TMEM14A: variants seen among roughly 807,000 people sequenced by gnomAD.
The protein encoded by TMEM14A is transmembrane protein 14A.
In TMEM14A, 8 loss-of-function variants were observed where a neutral mutation model predicts 11.6. That is an observed-to-expected ratio of 0.69 (90% confidence interval 0.40 to 1.24). TMEM14A has a LOEUF of 1.24. Ranked by LOEUF, TMEM14A falls within the 50% of genes most tolerant of loss-of-function variation. The pLI is 0.01. For missense variants in TMEM14A, 108 were observed against 121.9 expected (o/e 0.89, Z 0.54); for synonymous variants, 34 against 45.5 (o/e 0.75, Z 1.02).
At chr6:52,679,329 C>T (rs1299037620) in intron 2 of TMEM14A, among the ~76,000 whole-genome samples, 2 of 152,120 alleles carry the variant, frequency 1.3e-5, no homozygotes, top group Admixed American at 1.3e-4. Flanking sequence ...CATCGAGTGC[C>T]CAGAGTGAAA....
chr6:52,683,995 A>C (rs1260850028), intron 3 of TMEM14A, 83 bp from the exon 4 acceptor site: 12 of 1,279,666 alleles, frequency 9.4e-6, no homozygotes, highest in Non-Finnish European at 2.2e-6. Context: ...AATGTTAGAA[A>C]GCTTTAAATG....
At chr6:52,682,055 A>G (rs1769401781) in intron 3 of TMEM14A, 141 bp downstream of exon 3, 2 of 568,126 alleles carry the variant, frequency 3.5e-6, no homozygotes, top group Non-Finnish European at 6.0e-6. Flanking sequence ...TACAACACTT[A>G]TTCCTTTCTA....
At chr6:52,680,595 A>ATATATATATATATATATTTATATATT (rs1769349622) in intron 2 of TMEM14A, among the ~76,000 whole-genome samples, 1 of 63,784 alleles carries the variant, frequency 1.6e-5, no homozygotes, top group Non-Finnish European at 3.3e-5. Context: ...TTATATATTT[A>ATATATATATATATATATTTATATATT]TATATATATA....
At chr6:52,680,613 G>GTA (rs1769352820) in intron 2 of TMEM14A, among the ~76,000 whole-genome samples, 9 of 48,896 alleles carry the variant, frequency 1.8e-4, no homozygotes, top group East Asian at 8.6e-4. Flanking sequence ...ATATATATAT[G>GTA]TATATATATG....
At chr6:52,685,831 CA>C (rs1178069988) in intron 4 of TMEM14A, among the ~76,000 whole-genome samples, 178 bp from the exon 5 acceptor site, 1 of 152,174 alleles carries the variant, frequency 6.6e-6, no homozygotes, top group Non-Finnish European at 1.5e-5. Flanking sequence ...ATTTAGCGAA[CA>C]TTTTAAAGTG....
At position 52,680,669 on chromosome 6, in the gene TMEM14A, G is replaced by GTGTGTATATA. The variant is rs1769360469; in HGVS notation, c.71-1143_71-1142insGTGTATATAT. On this transcript the variant is annotated intron_variant, in intron 2 of 4. Transcript: ENST00000211314. The stretch of plus-strand genomic sequence containing the variant: ...TATATATGTGTGTGTATATATATGT[G>GTGTGTATATA]TATATATATATATACATATATGTAT... Among the ~76,000 whole-genome samples the GTGTGTATATA allele has an allele frequency of 4.9e-3, 176 of 35,956 alleles. 6 individuals are homozygous for GTGTGTATATA. Among genetic ancestry groups the GTGTGTATATA allele is most frequent in the South Asian group, 0.012 (10 of 818 alleles). The allele number at this position is 35,956 out of a possible 152,430, so 23.6% of individuals were successfully genotyped here.
intron 3 of TMEM14A, 29 bp from the exon 4 acceptor site, chr6:52,684,047 ACT>A (rs1338647589): frequency 1.2e-6 from 2 of 1,600,312 alleles, no homozygotes; most frequent in Admixed American, 1.7e-5. Flanking sequence ...CATGTTTGAA[ACT>A]CTGGTTCATG....
intron 2 of TMEM14A, among the ~76,000 whole-genome samples, chr6:52,680,884 GTGTT>G (rs997756666): frequency 2.1e-4 from 32 of 149,296 alleles, no homozygotes; most frequent in South Asian, 2.1e-3. Flanking sequence ...TTGTGTGTGT[GTGTT>G]TGTGTGTTGT....
rs35094326 is a variant in TMEM14A at position 52,674,889 on chromosome 6, CTTTTT to C, written c.-16-2181_-16-2177del. Among the ~76,000 whole-genome samples, 34 of 139,420 alleles carry C rather than the reference CTTTTT, an allele frequency of 2.4e-4. 1 individual carries two copies. The highest frequency in any genetic ancestry group is 2.9e-4 in the Non-Finnish European group (19 of 65,100). 91.5% of individuals were successfully genotyped at this position (139,420 alleles called of 152,430 possible). A position where few individuals can be genotyped will look rare whatever the true frequency, so the allele number is the denominator to read the frequency against. On this transcript the variant is annotated intron_variant, in intron 1 of 4. Coordinates refer to ENST00000211314, the MANE Select transcript of TMEM14A (RefSeq NM_014051.4). ...CTGAGATCAGCTCAAAATTCTTCTT[CTTTTT>C]TTTTTTTTTTTTTTTTGAGACGCCC...
intron 2 of TMEM14A, among the ~76,000 whole-genome samples, chr6:52,680,806 G>A (rs76944085): frequency 4.3e-3 from 643 of 148,092 alleles, no homozygotes; most frequent in Non-Finnish European, 5.7e-3. Context: ...GCAAGTGAAA[G>A]AATTAGGAGT....
chr6:52,680,877 TG>T (rs1769378602), intron 2 of TMEM14A, among the ~76,000 whole-genome samples: 1 of 149,190 alleles, frequency 6.7e-6, no homozygotes, highest in Non-Finnish European at 1.5e-5. Context: ...GTGTGTGTTG[TG>T]TGTGTGTGTT....
intron 2 of TMEM14A, among the ~76,000 whole-genome samples, chr6:52,680,593 T>TATATATATA (rs1561874928): frequency 0.056 from 5,413 of 96,202 alleles, 370 homozygotes; most frequent in Non-Finnish European, 0.088. Flanking sequence ...ATTTATATAT[T>TATATATATA]TATATATATA....
intron 1 of TMEM14A, among the ~76,000 whole-genome samples, chr6:52,674,766 G>A (rs981739074): frequency 6.6e-6 from 1 of 152,054 alleles, no homozygotes; most frequent in African/African-American, 2.4e-5. Flanking sequence ...CAGATGATGA[G>A]CATTTTTCAG....
intron 4 of TMEM14A, 21 bp downstream of exon 4, chr6:52,684,186 C>A: frequency 1.3e-6 from 2 of 1,598,498 alleles, no homozygotes; most frequent in South Asian, 2.3e-5. Context: ...CTATTTTGAT[C>A]AATACTTTCC....
At chr6:52,673,031 T>C (rs1007049604) in intron 1 of TMEM14A, among the ~76,000 whole-genome samples, 5 of 152,148 alleles carry the variant, frequency 3.3e-5, no homozygotes, top group Admixed American at 6.5e-5. Flanking sequence ...CCCTTGCACT[T>C]TTCATTTTGA....
chr6:52,683,218 T>TG (rs960862181), intron 3 of TMEM14A, among the ~76,000 whole-genome samples: 5 of 152,096 alleles, frequency 3.3e-5, no homozygotes, highest in African/African-American at 1.2e-4. Context: ...TCAGCACTTT[T>TG]GGAGGCTGAG....
Position 52,680,682 on chromosome 6 carries a change from T to TATGTGTATATATATATATAC in TMEM14A, c.71-1130_71-1129insTGTGTATATATATATATACA, listed in dbSNP as rs1561875101. 1.6e-4 allele frequency among the ~76,000 whole-genome samples: 8 copies of TATGTGTATATATATATATAC among 50,780 alleles called. 2 individuals carry two copies. The highest frequency in any genetic ancestry group is 5.2e-4 in the African/African-American group (8 of 15,276). 33.3% of individuals were successfully genotyped at this position (50,780 alleles called of 152,430 possible). On this transcript the variant is annotated intron_variant, in intron 2 of 4. Transcript: ENST00000211314. The stretch of plus-strand genomic sequence containing the variant: ...GTATATATATGTGTATATATATATA[T>TATGTGTATATATATATATAC]ACATATATGTATATATATATATACA...
At chr6:52,675,404 G>A (rs1003347678) in intron 1 of TMEM14A, among the ~76,000 whole-genome samples, 5 of 152,356 alleles carry the variant, frequency 3.3e-5, no homozygotes, top group African/African-American at 1.2e-4. Context: ...TTAAAAAGCT[G>A]TAAAGAACTC....
chr6:52,686,425 T>G lies in TMEM14A; in HGVS notation c.*376T>G. ...GTTCACAGAATGATAATGTATCTAT[T>G]TGTCATTTGTGTTATATTTGAAATT... On this transcript the variant is annotated 3_prime_UTR_variant, in exon 5 of 5. Transcript: ENST00000211314. 2.6e-6 allele frequency: 1 copy of G among 387,112 alleles called. No individual in the cohort carries two copies. Among genetic ancestry groups the G allele is most frequent in the Non-Finnish European group, 4.6e-6 (1 of 218,042 alleles). The allele number at this position is 387,112 out of a possible 1,614,324, so 24.0% of individuals were successfully genotyped here.
Sources: allele counts gnomAD v4.1 joint callset (sites outside exome capture counted in the v4.1 genomes callset), GRCh38; gene constraint gnomAD v4.1.1; transcripts MANE v1.5; gene names NCBI Gene and HGNC (gene_info 2026-07-23, HGNC 2026-07-21).